Variants in IKBKB-DT observed in about 807,000 individuals in gnomAD.
IKBKB-DT encodes the protein IKBKB antisense RNA.
intron 3 of IKBKB-DT, among the ~76,000 whole-genome samples, chr8:42,234,154 G>A (rs1365803988): frequency 6.6e-6 from 1 of 152,110 alleles, no homozygotes; most frequent in Admixed American, 6.5e-5. Flanking sequence ...TTCAACCTAC[G>A]CCCAGGAATG....
rs1030146685 is a variant in IKBKB-DT, at chr8:42,267,195, G to A, written n.604-799C>T. ...AATTTTTTGTATTTTTAGTAGAGAC[G>A]GGGTTTCACCGTGTTAGCCAGGATG... On this transcript the variant is annotated intron_variant and non_coding_transcript_variant, in intron 1 of 3. Transcript: ENST00000518213. Among the ~76,000 whole-genome samples the A allele has an allele frequency of 5.3e-5, 8 of 151,564 alleles. No individual in the cohort carries two copies. In the South Asian group the frequency reaches 1.0e-3, roughly 20 times the overall value.
chr8:42,269,982 C>T (rs1807519624), intron 1 of IKBKB-DT, among the ~76,000 whole-genome samples: 1 of 152,082 alleles, frequency 6.6e-6, no homozygotes, highest in South Asian at 2.1e-4. Flanking sequence ...CCTAATATTG[C>T]CTAAATTTTA....
rs773177896 is a variant in IKBKB-DT, at chr8:42,241,224, C to CTTTTT, written n.1530-7370_1530-7366dup. Among the ~76,000 whole-genome samples, 293 of 45,688 alleles carry CTTTTT rather than the reference C, an allele frequency of 6.4e-3. 97 individuals carry two copies. Among genetic ancestry groups the CTTTTT allele is most frequent in the East Asian group, 0.019 (13 of 674 alleles). The allele number at this position is 45,688 out of a possible 152,430, so 30.0% of individuals were successfully genotyped here. A position where few individuals can be genotyped will look rare whatever the true frequency, so the allele number is the denominator to read the frequency against. On this transcript the variant is annotated intron_variant and non_coding_transcript_variant, in intron 3 of 3. Coordinates refer to ENST00000518213, the Ensembl canonical transcript of IKBKB-DT. Reference sequence around the variant, plus strand: ...TTGATGCCTTTAGATATGTTGGAATCTTTTTTTTTTTTTTTTTTTTTTTTT... The same window carrying CTTTTT: ...TTGATGCCTTTAGATATGTTGGAATCTTTTTTTTTTTTTTTTTTTTTTTTTTTTTT...
intron 3 of IKBKB-DT, among the ~76,000 whole-genome samples, chr8:42,254,620 A>G (rs1585465142): frequency 7.3e-6 from 1 of 136,654 alleles, no homozygotes; most frequent in African/African-American, 2.8e-5. Context: ...CCGGCTGCCC[A>G]ACTGACTGGG....
chr8:42,259,128 C>T (rs1457015107), intron 3 of IKBKB-DT, among the ~76,000 whole-genome samples: 5 of 152,032 alleles, frequency 3.3e-5, no homozygotes, highest in African/African-American at 7.3e-5. Context: ...CGGGTTCAAG[C>T]GATTCTCCTG....
intron 3 of IKBKB-DT, among the ~76,000 whole-genome samples, chr8:42,239,009 T>G (rs1437129202): frequency 6.6e-6 from 1 of 152,202 alleles, no homozygotes; most frequent in Non-Finnish European, 1.5e-5. Flanking sequence ...AATTGGTTTT[T>G]TCTGTGCAGC....
chr8:42,248,992 T>C (rs1025633226), intron 3 of IKBKB-DT: 1 of 152,234 alleles, frequency 6.6e-6, no homozygotes, highest in Non-Finnish European at 1.5e-5. Flanking sequence ...AGCATTCTTT[T>C]ACACTGGTTC....
At position 42,241,414 on chromosome 8, in the gene IKBKB-DT, T is replaced by C. The variant is rs12114824; in HGVS notation, n.1530-7555A>G. 9.5e-4 allele frequency among the ~76,000 whole-genome samples: 144 copies of C among 152,166 alleles called. 1 individual carries two copies. The highest frequency in any genetic ancestry group is 3.4e-3 in the African/African-American group (140 of 41,546). The stretch of plus-strand genomic sequence containing the variant: ...GTCTGTGTCTTTAAGTTTTTCTTTA[T>C]TCTGCTTTTTTGCTGCTATAAGAGT... On this transcript the variant is annotated intron_variant and non_coding_transcript_variant, in intron 3 of 3. Transcript: ENST00000518213.
At chr8:42,253,293 G>A (rs890770294) in intron 3 of IKBKB-DT, among the ~76,000 whole-genome samples, 4 of 152,120 alleles carry the variant, frequency 2.6e-5, no homozygotes, top group African/African-American at 7.2e-5. Context: ...GAGTTGTCTT[G>A]TCTTTCTGGA....
intron 3 of IKBKB-DT, among the ~76,000 whole-genome samples, chr8:42,254,626 C>T (rs1232140787): frequency 2.7e-5 from 4 of 148,934 alleles, no homozygotes; most frequent in Non-Finnish European, 5.9e-5. Flanking sequence ...GCCCAACTGA[C>T]TGGGAAGTGA....
chr8:42,250,996 G>A (rs1807122444), intron 3 of IKBKB-DT, among the ~76,000 whole-genome samples: 3 of 152,202 alleles, frequency 2.0e-5, no homozygotes, highest in Admixed American at 2.0e-4. Flanking sequence ...ACTTTGCCCA[G>A]CACTTTGGGA....
chr8:42,258,941 C>A (rs1464483204), intron 3 of IKBKB-DT, among the ~76,000 whole-genome samples: 1 of 152,170 alleles, frequency 6.6e-6, no homozygotes, highest in Admixed American at 6.5e-5. Context: ...GTCACACTAG[C>A]ATTCTGTAGA....
At chr8:42,252,621 C>T (rs988041425) in intron 3 of IKBKB-DT, among the ~76,000 whole-genome samples, 9 of 152,228 alleles carry the variant, frequency 5.9e-5, no homozygotes, top group African/African-American at 2.2e-4. Context: ...CCTGCGCTGG[C>T]CTCCCAATGT....
chr8:42,235,166 T>C (rs1806902656), intron 3 of IKBKB-DT, among the ~76,000 whole-genome samples: 1 of 149,246 alleles, frequency 6.7e-6, no homozygotes, highest in Non-Finnish European at 1.5e-5. Context: ...TTCTAACTCT[T>C]TTTACTGTGG....
chr8:42,262,093 A>T (rs891644772), intron 3 of IKBKB-DT, among the ~76,000 whole-genome samples: 1 of 148,716 alleles, frequency 6.7e-6, no homozygotes, highest in Non-Finnish European at 1.5e-5. Flanking sequence ...AAAAAAATTA[A>T]TTCTTACAAA....
intron 3 of IKBKB-DT, among the ~76,000 whole-genome samples, chr8:42,241,391 C>T (rs1807002198): frequency 6.6e-6 from 1 of 151,640 alleles, no homozygotes; most frequent in Non-Finnish European, 1.5e-5. Flanking sequence ...AGGTTATTGT[C>T]TGTGTCTTTA....
chr8:42,269,233 C>T (rs1259399594), intron 1 of IKBKB-DT, among the ~76,000 whole-genome samples: 5 of 150,488 alleles, frequency 3.3e-5, no homozygotes, highest in African/African-American at 1.2e-4. Flanking sequence ...GGCGGGAGGA[C>T]CCCTTGAACC....
intron 3 of IKBKB-DT, among the ~76,000 whole-genome samples, chr8:42,238,530 T>A (rs1015087735): frequency 1.3e-5 from 2 of 152,166 alleles, no homozygotes; most frequent in Non-Finnish European, 2.9e-5. Context: ...AAGATGCAGG[T>A]GTAGTTAAAT....
At chr8:42,247,068 C>G (rs1009649784) in intron 3 of IKBKB-DT, among the ~76,000 whole-genome samples, 1 of 152,164 alleles carries the variant, frequency 6.6e-6, no homozygotes, top group Admixed American at 6.5e-5. Context: ...ATCCTTCAGA[C>G]CCCAAAATGG....
Sources: allele counts gnomAD v4.1 joint callset (sites outside exome capture counted in the v4.1 genomes callset), GRCh38; gene constraint gnomAD v4.1.1; transcripts MANE v1.5; gene names NCBI Gene and HGNC (gene_info 2026-07-23, HGNC 2026-07-21).